DNER: variants seen among roughly 807,000 people sequenced by gnomAD.
DNER encodes the protein delta and Notch-like epidermal growth factor-related receptor.
DNER carries 33 observed loss-of-function variants against 78.2 expected under a neutral mutation model. The ratio of observed to expected loss-of-function variants is 0.42; its 90% CI spans 0.32 to 0.56. The LOEUF (loss-of-function observed/expected upper bound fraction) is 0.56. Among genes scored for constraint, DNER ranks in the 20% least tolerant of loss-of-function variants. The pLI, the probability that DNER is intolerant of heterozygous loss-of-function variation, is 0.11. For missense variants in DNER, 918 were observed against 975.3 expected (o/e 0.94, Z 0.78); for synonymous variants, 417 against 384.8 (o/e 1.08, Z -0.98).
intron 12 of DNER, among the ~76,000 whole-genome samples, chr2:229,362,156 T>G (rs1692232067): frequency 6.6e-6 from 1 of 152,222 alleles, no homozygotes. Context: ...GGGTGATGCA[T>G]CCATTGTCCT....
intron 1 of DNER, among the ~76,000 whole-genome samples, chr2:229,629,111 T>C (rs930199144): frequency 6.6e-6 from 1 of 152,248 alleles, no homozygotes; most frequent in African/African-American, 2.4e-5. Flanking sequence ...TAGATTGCCA[T>C]ACCAAATTTG....
At chr2:229,632,823 T>C (rs1439372022) in intron 1 of DNER, among the ~76,000 whole-genome samples, 1 of 152,116 alleles carries the variant, frequency 6.6e-6, no homozygotes, top group Non-Finnish European at 1.5e-5. Flanking sequence ...GCCCAAATCT[T>C]CAAAGGATCT....
chr2:229,548,512 T>A (rs1375932503), intron 4 of DNER, among the ~76,000 whole-genome samples: 1 of 152,002 alleles, frequency 6.6e-6, no homozygotes, highest in Admixed American at 6.6e-5. Flanking sequence ...AAACACCACA[T>A]GTTCTCACTT....
intron 9 of DNER, among the ~76,000 whole-genome samples, chr2:229,411,214 A>C (rs1029890526): frequency 7.9e-5 from 12 of 152,206 alleles, no homozygotes. Flanking sequence ...CCAACAAAGA[A>C]GGAGTTCTCT....
chr2:229,600,199 G>C (rs1559178888), intron 1 of DNER, among the ~76,000 whole-genome samples: 1 of 152,126 alleles, frequency 6.6e-6, no homozygotes, highest in Non-Finnish European at 1.5e-5. Flanking sequence ...AATCTGGTTT[G>C]TTTTTTGTAA....
chr2:229,628,820 C>T (rs530782161), intron 1 of DNER, among the ~76,000 whole-genome samples: 2 of 152,212 alleles, frequency 1.3e-5, no homozygotes, highest in Non-Finnish European at 2.9e-5. Context: ...AGAGTTGGAA[C>T]CCCGGACATC....
At chr2:229,392,194 AC>A (rs1425196920) in intron 10 of DNER, among the ~76,000 whole-genome samples, 1 of 151,820 alleles carries the variant, frequency 6.6e-6, no homozygotes, top group African/African-American at 2.4e-5. Context: ...ATTATTTCTA[AC>A]TTTTTTTTAT....
intron 6 of DNER, among the ~76,000 whole-genome samples, chr2:229,501,790 T>C (rs1037594716): frequency 7.9e-5 from 12 of 152,104 alleles, no homozygotes; most frequent in Non-Finnish European, 1.8e-4. Context: ...GTTTCGGAGG[T>C]TAATTAATTG....
chr2:229,388,010 A>G (rs558386175), intron 11 of DNER, among the ~76,000 whole-genome samples: 1 of 152,078 alleles, frequency 6.6e-6, no homozygotes, highest in African/African-American at 2.4e-5. Flanking sequence ...GAAAATTCTC[A>G]TCCTGGGGAA....
chr2:229,399,389 A>T (rs531293765), intron 10 of DNER, among the ~76,000 whole-genome samples: 3 of 151,918 alleles, frequency 2.0e-5, no homozygotes, highest in Non-Finnish European at 4.4e-5. Flanking sequence ...TGATGAAAGA[A>T]ATCAAAGATC....
intron 10 of DNER, among the ~76,000 whole-genome samples, chr2:229,405,311 C>T (rs936028183): frequency 1.3e-5 from 2 of 152,092 alleles, no homozygotes. Context: ...GAGAAAATAT[C>T]GGTTCAATGT....
At chr2:229,381,894 G>A (rs1336990247) in intron 11 of DNER, among the ~76,000 whole-genome samples, 1 of 152,200 alleles carries the variant, frequency 6.6e-6, no homozygotes, top group Admixed American at 6.5e-5. Flanking sequence ...TCTGAAGAGA[G>A]CAGTGGATCT....
chr2:229,418,036 T>C, intron 9 of DNER, 72 bp downstream of exon 9: 1 of 1,608,526 alleles, frequency 6.2e-7, no homozygotes, highest in Admixed American at 1.7e-5. Context: ...TAGAGGTTTA[T>C]GCATTTACAC....
chr2:229,610,528 G>T (rs1025523446), intron 1 of DNER, among the ~76,000 whole-genome samples: 1 of 152,146 alleles, frequency 6.6e-6, no homozygotes, highest in Non-Finnish European at 1.5e-5. Context: ...TTGGCAATGC[G>T]CAGAAATGTG....
At chr2:229,585,350 T>G (rs1378428330) in intron 4 of DNER, among the ~76,000 whole-genome samples, 3 of 152,158 alleles carry the variant, frequency 2.0e-5, no homozygotes, top group African/African-American at 7.2e-5. Flanking sequence ...GCCTTTCCAC[T>G]TTGAGCCACA....
chr2:229,533,494 C>T (rs1470979581), intron 5 of DNER, among the ~76,000 whole-genome samples: 3 of 152,230 alleles, frequency 2.0e-5, no homozygotes, highest in South Asian at 2.1e-4. Context: ...AATTTCACCT[C>T]GAATGTCCTT....
Position 229,557,524 on chromosome 2 carries a change from T to C in DNER, c.848-10432A>G, listed in dbSNP as rs143327108. 1.0e-3 allele frequency among the ~76,000 whole-genome samples: 152 copies of C among 152,294 alleles called. 1 individual carries two copies. The highest frequency in any genetic ancestry group is 3.4e-3 in the African/African-American group (143 of 41,558). On this transcript the variant is annotated intron_variant, in intron 4 of 12. Transcript: ENST00000341772. ...CAACACCTGCATTCCCATGGTCTTTTTAGGCTGAAGAACTGGTGCCACATA... is the reference window on the plus strand; with the variant it reads ...CAACACCTGCATTCCCATGGTCTTTCTAGGCTGAAGAACTGGTGCCACATA...
chr2:229,571,609 G>A (rs992676341), intron 4 of DNER, among the ~76,000 whole-genome samples: 3 of 152,004 alleles, frequency 2.0e-5, no homozygotes, highest in Non-Finnish European at 2.9e-5. Context: ...TGGCCTCCCC[G>A]TGAATTGGGG....
chr2:229,387,854 AT>A (rs1692926406), intron 11 of DNER, among the ~76,000 whole-genome samples: 1 of 128,382 alleles, frequency 7.8e-6, no homozygotes, highest in Non-Finnish European at 1.6e-5. Flanking sequence ...TAAAAAGGTA[AT>A]TTGCATTCTG....
Sources: allele counts gnomAD v4.1 joint callset (sites outside exome capture counted in the v4.1 genomes callset), GRCh38; gene constraint gnomAD v4.1.1; transcripts MANE v1.5; gene names NCBI Gene and HGNC (gene_info 2026-07-23, HGNC 2026-07-21).